Variants in UBE2W observed in about 807,000 individuals in gnomAD.
UBE2W encodes the protein ubiquitin-conjugating enzyme E2 W.
In UBE2W, 18 loss-of-function variants were observed where a neutral mutation model predicts 27.2. That is an observed-to-expected ratio of 0.66 (90% CI 0.46 to 0.98). The LOEUF is 0.98. Ranked by LOEUF, UBE2W falls within the 50% of genes least tolerant of loss-of-function variation. The pLI is 0.00. For synonymous variants in UBE2W, 53 were observed against 57.2 expected (o/e 0.93, Z 0.33); for missense variants, 90 against 180.2 (o/e 0.50, Z 2.87).
intron 1 of UBE2W, among the ~76,000 whole-genome samples, chr8:73,860,736 GCTAA>G (rs1368297199): frequency 1.3e-5 from 2 of 152,190 alleles, no homozygotes; most frequent in Admixed American, 6.5e-5. Context: ...GAGTGGAGGG[GCTAA>G]CTAAATGATC....
chr8:73,870,820 G>A (rs1238561409), intron 1 of UBE2W, among the ~76,000 whole-genome samples: 3 of 113,694 alleles, frequency 2.6e-5, no homozygotes, highest in African/African-American at 1.1e-4. Context: ...AAAGCTATGA[G>A]TGAAAAGAAA....
chr8:73,875,414 C>A (rs1271275918), intron 1 of UBE2W, among the ~76,000 whole-genome samples: 1 of 152,164 alleles, frequency 6.6e-6, no homozygotes, highest in Non-Finnish European at 1.5e-5. Flanking sequence ...TGACAGAATA[C>A]ATTAAAGCAG....
chr8:73,867,179 TCACTTAAGG>T (rs1447902993), intron 1 of UBE2W, among the ~76,000 whole-genome samples: 3 of 152,074 alleles, frequency 2.0e-5, no homozygotes. Flanking sequence ...AGTGGGTGGA[TCACTTAAGG>T]CCAGGAGTTC....
At chr8:73,875,256 G>T (rs1383927014) in intron 1 of UBE2W, among the ~76,000 whole-genome samples, 1 of 152,170 alleles carries the variant, frequency 6.6e-6, no homozygotes, top group African/African-American at 2.4e-5. Context: ...GCATTTACAG[G>T]TGTGCCAGAA....
intron 2 of UBE2W, among the ~76,000 whole-genome samples, chr8:73,825,716 G>T (rs1467851705): frequency 2.6e-5 from 4 of 152,058 alleles, no homozygotes; most frequent in Admixed American, 2.0e-4. Flanking sequence ...CAGGAGAATC[G>T]CTTGAACCCG....
chr8:73,798,318 A>T (rs1808506710), intron 5 of UBE2W, among the ~76,000 whole-genome samples: 1 of 152,210 alleles, frequency 6.6e-6, no homozygotes, highest in Non-Finnish European at 1.5e-5. Flanking sequence ...GAAGTTTTGT[A>T]TAAAATTACC....
intron 1 of UBE2W, among the ~76,000 whole-genome samples, chr8:73,851,946 TCTC>T (rs1438274025): frequency 1.4e-5 from 2 of 138,086 alleles, no homozygotes; most frequent in Middle Eastern, 3.7e-3. Context: ...AGACCCAGTC[TCTC>T]TTTTTTTTTT....
chr8:73,805,798 T>G (rs911824231), intron 4 of UBE2W, 72 bp from the exon 5 acceptor site: 8 of 820,582 alleles, frequency 9.7e-6, no homozygotes, highest in African/African-American at 3.5e-5. Flanking sequence ...AATAAAAGCT[T>G]AAGAAAAATT....
At chr8:73,805,472 C>CAAACAAAAAACAAAAAACAAACAAAA (rs1254739442) in intron 5 of UBE2W, among the ~76,000 whole-genome samples, 179 bp downstream of exon 5, 6 of 43,676 alleles carry the variant, frequency 1.4e-4, no homozygotes, top group Admixed American at 3.9e-4. Flanking sequence ...AAAAAAAAAA[C>CAAACAAAAAACAAAAAACAAACAAAA]AAAAAAAACT....
intron 5 of UBE2W, among the ~76,000 whole-genome samples, chr8:73,798,020 G>A (rs113342566): frequency 0.053 from 8,065 of 152,266 alleles, 691 homozygotes; most frequent in African/African-American, 0.18. Context: ...CAGTGTGGTG[G>A]CTCATGCCTG....
In UBE2W at chr8:73,787,525, A is replaced by G. The variant is rs1808005725; in HGVS notation, c.*6577T>C. 1 of 985,312 alleles carries G rather than the reference A, an allele frequency of 1.0e-6. No homozygotes were observed. Among genetic ancestry groups the G allele is most frequent in the African/African-American group, 1.7e-5 (1 of 57,234 alleles). 61.0% of individuals were successfully genotyped at this position (985,312 alleles called of 1,614,324 possible). A position where few individuals can be genotyped will look rare whatever the true frequency, so the allele number is the denominator to read the frequency against. On this transcript the variant is annotated 3_prime_UTR_variant, in exon 6 of 6. Transcript: ENST00000602593. ...TAGGACGGCAGGAACAGCTTGAGACATGATCGTTTTTATGGCAGAATGGCT... is the reference window on the plus strand; with the variant it reads ...TAGGACGGCAGGAACAGCTTGAGACGTGATCGTTTTTATGGCAGAATGGCT...
At chr8:73,814,636 A>C (rs1809311984) in intron 3 of UBE2W, among the ~76,000 whole-genome samples, 1 of 152,176 alleles carries the variant, frequency 6.6e-6, no homozygotes, top group Admixed American at 6.5e-5. Context: ...CTCCTGCCTC[A>C]GCCTCCCAAG....
intron 1 of UBE2W, among the ~76,000 whole-genome samples, chr8:73,861,878 G>A (rs1303034051): frequency 6.6e-6 from 1 of 152,202 alleles, no homozygotes; most frequent in Non-Finnish European, 1.5e-5. Flanking sequence ...TGATAGGACA[G>A]TCAATAAGTG....
intron 1 of UBE2W, among the ~76,000 whole-genome samples, chr8:73,845,059 G>GC (rs1202176810): frequency 2.7e-5 from 4 of 150,792 alleles, no homozygotes; most frequent in African/African-American, 7.3e-5. Flanking sequence ...GAGGTGGCCA[G>GC]CCCCCGCCCG....
exon 5 of UBE2W, chr8:73,780,342 A>G (rs1807818839): frequency 3.2e-6 from 1 of 316,414 alleles, no homozygotes. Context: ...CACCAGTTAT[A>G]TTGGATTAAG....
Position 73,790,795 on chromosome 8 carries a change from T to C in UBE2W, c.*3307A>G. 1 of 983,254 alleles carries C rather than the reference T, an allele frequency of 1.0e-6. No individual in the cohort carries two copies. Among genetic ancestry groups the C allele is most frequent in the Non-Finnish European group, 1.2e-6 (1 of 827,966 alleles). The allele number at this position is 983,254 out of a possible 1,614,324, so 60.9% of individuals were successfully genotyped here. A position where few individuals can be genotyped will look rare whatever the true frequency, so the allele number is the denominator to read the frequency against. ...ATATGTAGTTACATAACCATTTTCA[T>C]ATCACTACTCATTTCCATTATTTAC... On this transcript the variant is annotated 3_prime_UTR_variant, in exon 6 of 6. Coordinates refer to ENST00000602593, the MANE Select transcript of UBE2W (RefSeq NM_018299.6).
At chr8:73,871,384 TTATC>T (rs1812004961) in intron 1 of UBE2W, among the ~76,000 whole-genome samples, 2 of 152,202 alleles carry the variant, frequency 1.3e-5, no homozygotes, top group African/African-American at 2.4e-5. Context: ...TTTTATATGT[TTATC>T]TATCTGCTAA....
intron 5 of UBE2W, among the ~76,000 whole-genome samples, chr8:73,794,326 A>C (rs991721137): frequency 6.6e-6 from 1 of 152,246 alleles, no homozygotes; most frequent in African/African-American, 2.4e-5. Context: ...TAGTTCACAT[A>C]AACCTTAAAA....
At position 73,805,650 on chromosome 8, in the gene UBE2W, C is replaced by A; in HGVS notation, c.442+1G>T. On this transcript the variant is annotated splice_donor_variant, in intron 5 of 5. Coordinates refer to ENST00000602593, the MANE Select transcript of UBE2W (RefSeq NM_018299.6). LOFTEE classifies it high-confidence loss of function. ...AGTTATTACAAATTCAAACTGCTTA[C>A]CATGATACCACCATTTTGTTTTCTT... 6.5e-7 allele frequency: 1 copy of A among 1,529,354 alleles called. No individual in the cohort carries two copies. The highest frequency in any genetic ancestry group is 8.8e-7 in the Non-Finnish European group (1 of 1,130,828). The allele number at this position is 1,529,354 out of a possible 1,614,324, so 94.7% of individuals were successfully genotyped here. A position where few individuals can be genotyped will look rare whatever the true frequency, so the allele number is the denominator to read the frequency against.
Sources: allele counts gnomAD v4.1 joint callset (sites outside exome capture counted in the v4.1 genomes callset), GRCh38; gene constraint gnomAD v4.1.1; transcripts MANE v1.5; gene names NCBI Gene and HGNC (gene_info 2026-07-23, HGNC 2026-07-21).